PDE10A: variants seen among roughly 807,000 people sequenced by gnomAD.
PDE10A encodes phosphodiesterase 10A.
A neutral mutation model predicts 97.7 loss-of-function variants in PDE10A; 39 were observed. The ratio of observed to expected loss-of-function variants is 0.40; its 90% CI spans 0.31 to 0.52. The LOEUF (loss-of-function observed/expected upper bound fraction) is 0.52. PDE10A is among the 20% of genes least tolerant of loss of function. PDE10A has a pLI of 0.56. For missense variants in PDE10A, 731 were observed against 1,047.8 expected, an observed-to-expected ratio of 0.70 and a Z score of 4.17; for synonymous variants, 371 against 376.8, an observed-to-expected ratio of 0.98 and a Z score of 0.18.
At chr6:165,779,211 C>T (rs773577877) in intron 1 of PDE10A, among the ~76,000 whole-genome samples, 5 of 152,134 alleles carry the variant, frequency 3.3e-5, no homozygotes, top group African/African-American at 7.2e-5. Context: ...TTCCCCTACG[C>T]GTAACAAAGT....
chr6:165,637,696 G>A (rs1045136367), intron 1 of PDE10A, among the ~76,000 whole-genome samples: 32 of 152,304 alleles, frequency 2.1e-4, no homozygotes, highest in African/African-American at 7.7e-4. Flanking sequence ...ATCGGAAAAA[G>A]AAAGGCAAGG....
At chr6:165,929,718 G>T (rs146341174) in intron 1 of PDE10A, among the ~76,000 whole-genome samples, 7 of 152,196 alleles carry the variant, frequency 4.6e-5, no homozygotes, top group Non-Finnish European at 2.9e-5. Context: ...CCCCATGACC[G>T]CGTCCCCACA....
At chr6:165,712,207 G>C (rs1791912388) in intron 1 of PDE10A, among the ~76,000 whole-genome samples, 2 of 152,220 alleles carry the variant, frequency 1.3e-5, no homozygotes, top group South Asian at 4.1e-4. Flanking sequence ...TGTGACATCA[G>C]TGGGACTCAG....
chr6:165,854,343 G>A (rs879163651), intron 1 of PDE10A, among the ~76,000 whole-genome samples: 2 of 152,248 alleles, frequency 1.3e-5, no homozygotes, highest in Admixed American at 6.5e-5. Flanking sequence ...CCAGGGACTC[G>A]AGCAGGTGGT....
intron 2 of PDE10A, among the ~76,000 whole-genome samples, chr6:165,530,737 C>T (rs1782730736): frequency 6.6e-6 from 1 of 152,048 alleles, no homozygotes; most frequent in African/African-American, 2.4e-5. Flanking sequence ...AAATTTGAGC[C>T]ACTGCATTAA....
chr6:165,982,056 T>G (rs759705510), intron 1 of PDE10A, among the ~76,000 whole-genome samples: 1 of 152,224 alleles, frequency 6.6e-6, no homozygotes, highest in Non-Finnish European at 1.5e-5. Context: ...TACCCATTAT[T>G]AATACAGGAA....
chr6:165,369,318 C>T (rs12182419), intron 18 of PDE10A, among the ~76,000 whole-genome samples: 13,124 of 151,186 alleles, frequency 0.087, 642 homozygotes, highest in Middle Eastern at 0.2. Flanking sequence ...GACAAAGAAG[C>T]TGAAAACTTT....
At chr6:165,375,410 C>T (rs997703841) in intron 18 of PDE10A, among the ~76,000 whole-genome samples, 2 of 152,166 alleles carry the variant, frequency 1.3e-5, no homozygotes, top group Admixed American at 6.5e-5. Context: ...TAATCCAGAG[C>T]AAGGCCTTAA....
In PDE10A at chr6:165,655,039, A is replaced by G. The variant is rs1301744944; in HGVS notation, c.865+6908T>C. Among the ~76,000 whole-genome samples the G allele has an allele frequency of 6.6e-6, 1 of 152,048 alleles. No homozygotes were observed. Among genetic ancestry groups the G allele is most frequent in the Non-Finnish European group, 1.5e-5 (1 of 68,024 alleles). ...ACTACCTTGGTGTTGCAGAGTCCAA[A>G]TCTCTCTTTCTACTCCGGCTCATAG... On this transcript the variant is annotated intron_variant, in intron 1 of 21. Coordinates refer to ENST00000539869, the MANE Select transcript of PDE10A (RefSeq NM_001385079.1). This position sits in a 1 kb window ranked among gnomAD's most constrained non-coding sequence, Gnocchi z 4.5.
chr6:165,621,097 C>T (rs943299317), intron 1 of PDE10A, among the ~76,000 whole-genome samples: 5 of 151,330 alleles, frequency 3.3e-5, no homozygotes, highest in African/African-American at 1.2e-4. Context: ...TACTCCAGTT[C>T]TAATTCTACA....
At chr6:165,881,480 C>T (rs1379935435) in intron 1 of PDE10A, among the ~76,000 whole-genome samples, 1 of 150,160 alleles carries the variant, frequency 6.7e-6, no homozygotes, top group Non-Finnish European at 1.5e-5. Flanking sequence ...ACTGCAATCT[C>T]CCCCTCCTGG....
chr6:165,645,361 C>T (rs1005152360), intron 1 of PDE10A, among the ~76,000 whole-genome samples: 6 of 152,172 alleles, frequency 3.9e-5, no homozygotes, highest in African/African-American at 1.4e-4. Flanking sequence ...TCAAATGAAC[C>T]ACCTGTCCTT....
chr6:165,377,646 C>A (rs1477546120), intron 18 of PDE10A, among the ~76,000 whole-genome samples: 1 of 151,720 alleles, frequency 6.6e-6, no homozygotes, highest in Non-Finnish European at 1.5e-5. Flanking sequence ...TATTTACAAC[C>A]CCAGAAGAAA....
intron 19 of PDE10A, among the ~76,000 whole-genome samples, chr6:165,341,595 C>A (rs1000029650): frequency 6.6e-6 from 1 of 152,076 alleles, no homozygotes; most frequent in African/African-American, 2.4e-5. Context: ...TTTTTTGCAA[C>A]GATCCTTACA....
At chr6:165,405,216 T>C (rs1787039579) in intron 13 of PDE10A, among the ~76,000 whole-genome samples, 1 of 152,218 alleles carries the variant, frequency 6.6e-6, no homozygotes, top group Non-Finnish European at 1.5e-5. Context: ...AGAAGACAAC[T>C]GGTGTCCTAA....
chr6:165,492,773 C>T (rs1780302632), intron 2 of PDE10A, among the ~76,000 whole-genome samples: 1 of 152,112 alleles, frequency 6.6e-6, no homozygotes, highest in Non-Finnish European at 1.5e-5. Context: ...CTTCTGAGAA[C>T]TGGAACAAGA....
chr6:165,895,757 AG>A (rs1562787246), intron 1 of PDE10A, among the ~76,000 whole-genome samples: 1 of 151,894 alleles, frequency 6.6e-6, no homozygotes, highest in Non-Finnish European at 1.5e-5. Flanking sequence ...CCTGTTCCCA[AG>A]GGGCACTAGA....
At chr6:165,680,361 CAA>C (rs749584423) in intron 1 of PDE10A, among the ~76,000 whole-genome samples, 6 of 152,196 alleles carry the variant, frequency 3.9e-5, no homozygotes, top group African/African-American at 9.7e-5. Context: ...ACGGAGGAAA[CAA>C]GAGAGGAAAT....
intron 1 of PDE10A, among the ~76,000 whole-genome samples, chr6:165,712,466 C>G (rs1168253784): frequency 6.6e-6 from 1 of 152,102 alleles, no homozygotes; most frequent in East Asian, 1.9e-4. Flanking sequence ...TTGCTCAGCT[C>G]TAACTGCTGG....
Sources: gnomAD v4.1 joint callset for allele counts (sites outside exome capture counted in the v4.1 genomes callset) on GRCh38, gnomAD v4.1.1 for gene constraint, Gnocchi (gnomAD v3.1) non-coding constraint, MANE v1.5 for transcripts, NCBI Gene and HGNC (gene_info 2026-07-23, HGNC 2026-07-21) for gene names.